The following ATP2B3 variants were observed in gnomAD, a reference collection of about 807,000 sequenced individuals.
ATP2B3 encodes the protein plasma membrane calcium-transporting ATPase 3.
In ATP2B3, 12 loss-of-function variants were observed where a neutral mutation model predicts 70.8. The ratio of observed to expected loss-of-function variants is 0.17; its 90% confidence interval spans 0.11 to 0.27. The LOEUF (loss-of-function observed/expected upper bound fraction) is 0.27. ATP2B3 is among the 10% of genes least tolerant of loss of function. ATP2B3 has a pLI of 1.00. For missense variants in ATP2B3, 858 were observed against 1,118.5 expected, an observed-to-expected ratio of 0.77 and a Z score of 3.32; for synonymous variants, 460 against 497.8, an observed-to-expected ratio of 0.92 and a Z score of 1.01.
chrX:153,543,878 C>T (rs965103246), intron 7 of ATP2B3, among the ~76,000 whole-genome samples: 4 of 109,525 alleles, frequency 3.7e-5, no homozygotes, highest in Non-Finnish European at 7.6e-5. Context: ...GCCACACCCG[C>T]ATGGGAAAGC....
At position 153,581,316 on chromosome X, in the gene ATP2B3, T is replaced by C. The variant is rs1473654145; in HGVS notation, c.*1018T>C. ...AAAACCCTTTCAAGGGAAATTTTAA[T>C]CTAAAAGGAAAAAACCAAAATATTG... is the stretch of plus-strand genomic sequence containing the variant. On this transcript the variant is annotated 3_prime_UTR_variant, in exon 22 of 22. Transcript: ENST00000263519. 3 of 111,629 alleles carry C rather than the reference T, an allele frequency of 2.7e-5. No individual in the cohort carries two copies. The South Asian group carries it at 1.1e-3, about 42-fold the overall frequency. 9.2% of individuals were successfully genotyped at this position (111,629 alleles called of 1,213,427 possible).
intron 2 of ATP2B3, among the ~76,000 whole-genome samples, chrX:153,526,400 A>T (rs1316715961): frequency 9.0e-6 from 1 of 110,910 alleles, no homozygotes; most frequent in African/African-American, 3.3e-5. Flanking sequence ...CCGGCCTGAG[A>T]GGGGGCCTCT....
chrX:153,569,780 C>T (rs1557019382), intron 21 of ATP2B3: 2 of 1,201,803 alleles, frequency 1.7e-6, no homozygotes, highest in Non-Finnish European at 2.3e-6. Context: ...TCCCTTTTCT[C>T]TCATAAATGG....
At chrX:153,528,998 G>A (rs1031487812) in intron 2 of ATP2B3, among the ~76,000 whole-genome samples, 3 of 112,525 alleles carry the variant, frequency 2.7e-5, no homozygotes, top group Non-Finnish European at 3.8e-5. Flanking sequence ...AAAACATGAC[G>A]TAGGAGGTGG....
chrX:153,550,760 C>A (rs1305320699), intron 12 of ATP2B3, among the ~76,000 whole-genome samples: 2 of 111,403 alleles, frequency 1.8e-5, no homozygotes, highest in East Asian at 2.8e-4. Context: ...CCACGCCCAG[C>A]GAATTTTCAA....
In ATP2B3 at chrX:153,556,905, T is replaced by C. The variant is rs1260834982; in HGVS notation, c.2327-12T>C. 1 of 1,175,872 alleles carries C rather than the reference T, an allele frequency of 8.5e-7. No homozygotes were observed. The highest frequency in any genetic ancestry group is 1.8e-5 in the African/African-American group (1 of 56,590). On this transcript the variant is annotated splice_polypyrimidine_tract_variant and intron_variant, in intron 15 of 21. Transcript: ENST00000263519. ...TGGCCCCAGCCCTGCCCTGCCCTGATCTGTCTTCCAGGGATTATCGACAGC... is the reference window on the plus strand; with the variant it reads ...TGGCCCCAGCCCTGCCCTGCCCTGACCTGTCTTCCAGGGATTATCGACAGC...
intron 21 of ATP2B3, chrX:153,570,074 A>G (rs1265756396): frequency 2.8e-6 from 1 of 362,382 alleles, no homozygotes; most frequent in Non-Finnish European, 4.7e-6. Context: ...ATGGTTCTTC[A>G]TGAACTTGGG....
intron 2 of ATP2B3, among the ~76,000 whole-genome samples, chrX:153,528,884 T>C (rs1280522534): frequency 8.9e-6 from 1 of 112,541 alleles, no homozygotes; most frequent in African/African-American, 3.2e-5. Context: ...TCACTTTTGC[T>C]CATACCCAGT....
rs185264498 is a variant in ATP2B3 at position 153,555,903 on chromosome X, T to C, written c.2059-146T>C. 4 of 624,352 alleles carry C rather than the reference T, an allele frequency of 6.4e-6. No individual in the cohort carries two copies. In the East Asian group the frequency reaches 1.3e-4, roughly 20 times the overall value. 51.5% of individuals were successfully genotyped at this position (624,352 alleles called of 1,213,427 possible). On this transcript the variant is annotated intron_variant, in intron 13 of 21. Transcript: ENST00000263519. ...TTGCCCAACTGTAGGCTAACACAAG[T>C]GTTCTGAGCACGTGAATCGGATGGC...
At chrX:153,575,193 G>A (rs1487949624) in intron 21 of ATP2B3, among the ~76,000 whole-genome samples, 3 of 112,797 alleles carry the variant, frequency 2.7e-5, no homozygotes, top group Non-Finnish European at 3.8e-5. Context: ...GGGGAGGGCC[G>A]AAGCCAGCAC....
rs782460458 is a variant in ATP2B3 at position 153,556,243 on chromosome X, T to C, written c.2238+15T>C. On this transcript the variant is annotated intron_variant, in intron 14 of 21. Transcript: ENST00000263519. ...AGAAAGGCGAGGTAGCACCCGGCTGTCTGCCACCCCAGACCCCCCTTCTCC... is the reference window on the plus strand; with the variant it reads ...AGAAAGGCGAGGTAGCACCCGGCTGCCTGCCACCCCAGACCCCCCTTCTCC... The C allele has an allele frequency of 2.5e-6, 3 of 1,205,002 alleles. No homozygotes were observed. Among genetic ancestry groups the C allele is most frequent in the Non-Finnish European group, 1.1e-6 (1 of 892,085 alleles).
chrX:153,527,356 C>T (rs1557000217), intron 2 of ATP2B3, among the ~76,000 whole-genome samples: 4 of 113,114 alleles, frequency 3.5e-5, no homozygotes, highest in Non-Finnish European at 5.6e-5. Context: ...GTCCCCATGC[C>T]GTCCCTGCCT....
intron 8 of ATP2B3, 132 bp downstream of exon 8, chrX:153,546,261 G>A (rs1265307231): frequency 6.2e-6 from 5 of 805,280 alleles, no homozygotes; most frequent in Non-Finnish European, 9.1e-6. Context: ...TGAGTGGGCT[G>A]GCTGCACAGT....
At chrX:153,556,285 C>A in intron 14 of ATP2B3, 46 bp from the exon 15 acceptor site, 21 of 1,200,449 alleles carry the variant, frequency 1.7e-5, no homozygotes, top group Non-Finnish European at 2.4e-5. Context: ...CAGCCCCCTG[C>A]GTGCCCGCCT....
chrX:153,570,156 C>G (rs915310042), intron 21 of ATP2B3, among the ~76,000 whole-genome samples: 1 of 112,685 alleles, frequency 8.9e-6, no homozygotes, highest in African/African-American at 3.2e-5. Context: ...CAGGGCAGCA[C>G]GCGGGCTCAG....
chrX:153,542,531 G>C (rs1390310315), intron 6 of ATP2B3, 83 bp downstream of exon 6: 2 of 1,124,335 alleles, frequency 1.8e-6, no homozygotes, highest in Non-Finnish European at 2.4e-6. Context: ...GCTGCCTGCT[G>C]GGCTCAGCCT....
chrX:153,569,928 C>T (rs1028860589), intron 21 of ATP2B3: 6 of 522,682 alleles, frequency 1.1e-5, no homozygotes, highest in Non-Finnish European at 1.5e-5. Context: ...TCTCGAAAGC[C>T]ATATTCTTTT....
chrX:153,566,963 GC>G (rs1311184627), intron 21 of ATP2B3, among the ~76,000 whole-genome samples: 15 of 112,407 alleles, frequency 1.3e-4, no homozygotes, highest in Non-Finnish European at 2.6e-4. Context: ...CATTTCAAGA[GC>G]CCCCCAGGGG....
At chrX:153,531,125 A>T (rs2090111324) in intron 2 of ATP2B3, among the ~76,000 whole-genome samples, 1 of 112,452 alleles carries the variant, frequency 8.9e-6, no homozygotes, top group Non-Finnish European at 1.9e-5. Context: ...CAAGGGCAGG[A>T]AGATGTGGGG....
Sources: gnomAD v4.1 joint callset for allele counts (sites outside exome capture counted in the v4.1 genomes callset) on GRCh38, gnomAD v4.1.1 for gene constraint, MANE v1.5 for transcripts, NCBI Gene and HGNC (gene_info 2026-07-23, HGNC 2026-07-21) for gene names.